The following SEMA5A variants were observed in gnomAD, a reference collection of about 807,000 sequenced individuals.
The protein encoded by SEMA5A is semaphorin-5A.
In SEMA5A, 55 loss-of-function variants were observed where a neutral mutation model predicts 135.5. The observed-to-expected ratio is 0.41, with a 90% CI of 0.33 to 0.51. SEMA5A has a LOEUF of 0.51. Ranked by LOEUF, SEMA5A falls within the 20% of genes least tolerant of loss-of-function variation. The pLI is 0.37. For synonymous variants in SEMA5A, 580 were observed against 546.5 expected, an observed-to-expected ratio of 1.06 and a Z score of -0.85; for missense variants, 1,290 against 1,419.9, an observed-to-expected ratio of 0.91 and a Z score of 1.47.
chr5:9,361,813 G>C (rs531505875), intron 3 of SEMA5A, among the ~76,000 whole-genome samples: 1 of 152,236 alleles, frequency 6.6e-6, no homozygotes, highest in African/African-American at 2.4e-5. Flanking sequence ...CTGCTGATGC[G>C]CTTAGTTCCA....
chr5:9,370,722 C>A (rs1268075901), intron 3 of SEMA5A, among the ~76,000 whole-genome samples: 1 of 152,190 alleles, frequency 6.6e-6, no homozygotes, highest in Non-Finnish European at 1.5e-5. Flanking sequence ...AGAGACATCA[C>A]CACTGCTATC....
At chr5:9,167,871 G>A (rs1743700675) in intron 11 of SEMA5A, among the ~76,000 whole-genome samples, 1 of 152,156 alleles carries the variant, frequency 6.6e-6, no homozygotes, top group Admixed American at 6.5e-5. Flanking sequence ...GCCGTCAGTT[G>A]AGTCTTAGTG....
chr5:9,338,142 A>G (rs1753479769), intron 3 of SEMA5A, among the ~76,000 whole-genome samples: 1 of 152,246 alleles, frequency 6.6e-6, no homozygotes, highest in South Asian at 2.1e-4. Flanking sequence ...TCAGAGGAAT[A>G]CTGAATGCAA....
rs545593679 is a variant in SEMA5A, at chr5:9,221,854, C to G, written c.646+2820G>C. On this transcript the variant is annotated intron_variant, in intron 8 of 22. Coordinates refer to ENST00000382496, the MANE Select transcript of SEMA5A (RefSeq NM_003966.3). ...AGGAAAGATAAACCCATTGAGAATC[C>G]CTGGGAGAGGCTGGGAGAGGACTGG... Among the ~76,000 whole-genome samples the G allele has an allele frequency of 1.2e-3, 182 of 152,064 alleles. 1 individual carries two copies. The highest frequency in any genetic ancestry group is 4.1e-3 in the African/African-American group (172 of 41,490).
intron 11 of SEMA5A, among the ~76,000 whole-genome samples, chr5:9,170,697 G>C (rs1743871040): frequency 6.6e-6 from 1 of 152,142 alleles, no homozygotes; most frequent in Non-Finnish European, 1.5e-5. Context: ...GGGTCCTCAT[G>C]AGAACCCAAG....
chr5:9,192,194 A>G (rs1455058913), intron 10 of SEMA5A, among the ~76,000 whole-genome samples: 2 of 152,198 alleles, frequency 1.3e-5, no homozygotes, highest in African/African-American at 4.8e-5. Context: ...CGTGGCTCTC[A>G]AGCCACATGG....
At chr5:9,444,364 C>T (rs1758351460) in intron 1 of SEMA5A, among the ~76,000 whole-genome samples, 1 of 152,002 alleles carries the variant, frequency 6.6e-6, no homozygotes, top group Admixed American at 6.6e-5. Context: ...CCCTGAGTCC[C>T]CAAAGGCCAT....
At chr5:9,225,005 T>G in intron 7 of SEMA5A, 118 bp from the exon 8 acceptor site, 1 of 911,460 alleles carries the variant, frequency 1.1e-6, no homozygotes, top group Non-Finnish European at 1.6e-6. Flanking sequence ...CGGGGGCCCA[T>G]GGGGCAAGAT....
chr5:9,429,989 G>A (rs1412566422), intron 2 of SEMA5A, among the ~76,000 whole-genome samples: 4 of 152,200 alleles, frequency 2.6e-5, no homozygotes, highest in Admixed American at 6.5e-5. Flanking sequence ...GCAGCGAGAC[G>A]GCCGGAAGAC....
At chr5:9,230,708 C>T (rs1379437572) in intron 6 of SEMA5A, among the ~76,000 whole-genome samples, 2 of 151,994 alleles carry the variant, frequency 1.3e-5, no homozygotes, top group Non-Finnish European at 2.9e-5. Context: ...GAGGGTGGCC[C>T]CAGCCCTATG....
chr5:9,223,055 A>C (rs897232974), intron 8 of SEMA5A, among the ~76,000 whole-genome samples: 3 of 152,360 alleles, frequency 2.0e-5, no homozygotes, highest in African/African-American at 7.2e-5. Context: ...GGAAAGAACA[A>C]CTTGAAGCTG....
intron 3 of SEMA5A, among the ~76,000 whole-genome samples, chr5:9,353,098 G>GAAAGGGAAAGGGAAAGGAAAGGA (rs1378151075): frequency 4.6e-5 from 1 of 21,788 alleles, no homozygotes; most frequent in Non-Finnish European, 7.4e-5. Context: ...GGAAAGGAAG[G>GAAAGGGAAAGGGAAAGGAAAGGA]AAGGAAAGGA....
intron 1 of SEMA5A, among the ~76,000 whole-genome samples, chr5:9,541,177 G>A (rs3798089): frequency 0.81 from 123,959 of 152,116 alleles, 50,585 homozygotes; most frequent in Middle Eastern, 0.85. Context: ...TTAATTTCAC[G>A]TCTCAACAAA....
At chr5:9,085,669 C>T (rs1004005045) in intron 16 of SEMA5A, among the ~76,000 whole-genome samples, 2 of 152,192 alleles carry the variant, frequency 1.3e-5, no homozygotes, top group Non-Finnish European at 2.9e-5. Context: ...CATGGAGAAC[C>T]TCTGTTAGGG....
At chr5:9,233,599 C>T (rs955947279) in intron 6 of SEMA5A, among the ~76,000 whole-genome samples, 1 of 152,218 alleles carries the variant, frequency 6.6e-6, no homozygotes, top group Non-Finnish European at 1.5e-5. Context: ...TACCTACCTT[C>T]TTTTCAAACC....
chr5:9,195,615 T>C (rs1388754908), intron 10 of SEMA5A, among the ~76,000 whole-genome samples: 1 of 152,224 alleles, frequency 6.6e-6, no homozygotes, highest in Non-Finnish European at 1.5e-5. Flanking sequence ...AGATGCATAA[T>C]AGATAGATGT....
At chr5:9,065,886 A>G (rs1457228587) in intron 17 of SEMA5A, among the ~76,000 whole-genome samples, 1 of 152,216 alleles carries the variant, frequency 6.6e-6, no homozygotes, top group Non-Finnish European at 1.5e-5. Flanking sequence ...GGCTTTCTCC[A>G]TGCTATTACT....
intron 1 of SEMA5A, among the ~76,000 whole-genome samples, chr5:9,520,399 T>G (rs1736758649): frequency 6.7e-6 from 1 of 149,710 alleles, no homozygotes. Flanking sequence ...AGGGAGGGAG[T>G]CGCTGAAATG....
At chr5:9,262,910 TAAA>T (rs371078828) in intron 5 of SEMA5A, among the ~76,000 whole-genome samples, 3 of 104,734 alleles carry the variant, frequency 2.9e-5, no homozygotes, top group South Asian at 3.0e-4. Flanking sequence ...AAAAAAAAAT[TAAA>T]AAAAAAAAGA....
Sources: allele counts gnomAD v4.1 joint callset (sites outside exome capture counted in the v4.1 genomes callset), GRCh38; gene constraint gnomAD v4.1.1; transcripts MANE v1.5; gene names NCBI Gene and HGNC (gene_info 2026-07-23, HGNC 2026-07-21).